SCN1B: variants seen among roughly 807,000 people sequenced by gnomAD.
SCN1B encodes sodium channel regulatory subunit beta-1.
In SCN1B, 11 loss-of-function variants were observed where a neutral mutation model predicts 25.7. The ratio of observed to expected loss-of-function variants is 0.43; its 90% confidence interval spans 0.27 to 0.71. The LOEUF is 0.71. Among genes scored for constraint, SCN1B ranks in the 30% least tolerant of loss-of-function variants. The probability of loss-of-function intolerance (pLI) is 0.21; values close to 1 mark genes in which losing one functional copy is unlikely to be tolerated. For synonymous variants in SCN1B, 119 were observed against 117.5 expected (o/e 1.01, Z -0.08); for missense variants, 224 against 291.5 (o/e 0.77, Z 1.69).
rs756162582 is a variant in SCN1B at position 35,039,864 on chromosome 19, C to T, written c.*73C>T. On this transcript the variant is annotated 3_prime_UTR_variant, in exon 6 of 6. Coordinates refer to ENST00000262631, the MANE Select transcript of SCN1B (RefSeq NM_001037.5). The stretch of plus-strand genomic sequence containing the variant: ...CTCTCCAGGCACCGCCTGCCCCCAG[C>T]GTGGGGGTGGCCACTCCTGGGCCCC... The T allele has an allele frequency of 4.0e-6, 3 of 747,316 alleles. No homozygotes were observed. The highest frequency in any genetic ancestry group is 2.3e-5 in the Admixed American group (1 of 42,762). The allele number at this position is 747,316 out of a possible 1,614,324, so 46.3% of individuals were successfully genotyped here.
rs72550274 is a variant in SCN1B at position 35,039,893 on chromosome 19, A to T, written c.*102A>T. 6.0e-3 allele frequency: 3,837 copies of T among 639,616 alleles called. 19 individuals are homozygous for T. The highest frequency in any genetic ancestry group is 7.5e-3 in the Non-Finnish European group (2,768 of 366,724). The allele number at this position is 639,616 out of a possible 1,614,324, so 39.6% of individuals were successfully genotyped here. On this transcript the variant is annotated 3_prime_UTR_variant, in exon 6 of 6. Coordinates refer to ENST00000262631, the MANE Select transcript of SCN1B (RefSeq NM_001037.5). ...GGGGTGGCCACTCCTGGGCCCCAGA[A>T]AGCCTCAGAGTCCTGCCGACGGAGC...
At chr19:35,034,318 G>A (rs2064235347) in intron 3 of SCN1B, 3 of 726,288 alleles carry the variant, frequency 4.1e-6, no homozygotes, top group African/African-American at 1.8e-5. Context: ...GCGCTGGCCT[G>A]CAGTCTCACT....
chr19:35,039,516 T>C, intron 4 of SCN1B, 119 bp from the exon 5 acceptor site: 1 of 1,096,490 alleles, frequency 9.1e-7, no homozygotes, highest in Non-Finnish European at 1.4e-6. Context: ...ATAGACTCCT[T>C]CTCTCTCTAA....
chr19:35,034,165 A>G, intron 3 of SCN1B: 1 of 1,548,958 alleles, frequency 6.5e-7, no homozygotes. Flanking sequence ...CTTCCAGCAG[A>G]GCCTTGCAGG....
At chr19:35,033,981 C>A (rs570896401) in intron 3 of SCN1B, 1 of 1,551,300 alleles carries the variant, frequency 6.4e-7, no homozygotes, top group African/African-American at 1.4e-5. Flanking sequence ...GGTACAGAAC[C>A]CAGCTCTGTC....
intron 1 of SCN1B, among the ~76,000 whole-genome samples, chr19:35,031,135 T>A (rs1441357807): frequency 2.4e-5 from 3 of 122,908 alleles, no homozygotes; most frequent in African/African-American, 9.5e-5. Context: ...AGTCAGCTGC[T>A]CCCGGAGCCC....
In SCN1B at chr19:35,032,586, G is replaced by T. The variant is rs752733582; in HGVS notation, c.99G>T (p.Gly33=). The T allele has an allele frequency of 4.3e-6, 7 of 1,614,022 alleles. No homozygotes were observed. In the Admixed American group the frequency reaches 5.0e-5, roughly 12 times the overall value. ...EVDSETEAVY[G]MTFKILCISC... is the part of the protein sequence containing the mutation. ...ACTCGGAGACCGAGGCCGTGTATGGGATGACCTTCAAAATTCTTTGCATCT... is the reference window on the plus strand; with the variant it reads ...ACTCGGAGACCGAGGCCGTGTATGGTATGACCTTCAAAATTCTTTGCATCT... The change falls in exon 2 of 6, where the codon GGG becomes GGT. Residue 33 remains glycine (G), a synonymous_variant. Transcript: ENST00000262631. The surrounding 1 kb of genome is among the most constrained non-coding windows in gnomAD (Gnocchi z 4.3).
In SCN1B at chr19:35,040,012, T is replaced by C. The variant is rs2064277081; in HGVS notation, c.*221T>C. On this transcript the variant is annotated 3_prime_UTR_variant, in exon 6 of 6. Transcript: ENST00000262631. ...GCCGGCCGCGCACCGCCATGCATGA[T>C]GGGTAAAGCAATACTGCCGCTGCCC... The C allele has an allele frequency of 2.5e-6, 1 of 406,248 alleles. No individual in the cohort carries two copies. Among genetic ancestry groups the C allele is most frequent in the Non-Finnish European group, 4.7e-6 (1 of 213,970 alleles). The allele number at this position is 406,248 out of a possible 1,614,324, so 25.2% of individuals were successfully genotyped here. A position where few individuals can be genotyped will look rare whatever the true frequency, so the allele number is the denominator to read the frequency against.
chr19:35,040,318 T>C lies in SCN1B; in HGVS notation c.*527T>C, dbSNP rs41275828. 4,431 of 167,786 alleles carry C rather than the reference T, an allele frequency of 0.026. 92 individuals are homozygous for C. Among genetic ancestry groups the C allele is most frequent in the Non-Finnish European group, 0.035 (2,680 of 76,256 alleles). 10.4% of individuals were successfully genotyped at this position (167,786 alleles called of 1,614,324 possible). A position where few individuals can be genotyped will look rare whatever the true frequency, so the allele number is the denominator to read the frequency against. On this transcript the variant is annotated 3_prime_UTR_variant, in exon 6 of 6. Transcript: ENST00000262631. Reference sequence around the variant, plus strand: ...GACCTGGGGTCCCCCCTCCCTGTAATGCACTCCTGCCCCGGCCCAACCTCG... The same window carrying C: ...GACCTGGGGTCCCCCCTCCCTGTAACGCACTCCTGCCCCGGCCCAACCTCG...
chr19:35,039,217 G>A lies in SCN1B; in HGVS notation c.549G>A (p.Lys183=), dbSNP rs1457466072. The A allele has an allele frequency of 6.2e-7, 1 of 1,614,096 alleles. No individual in the cohort carries two copies. The highest frequency in any genetic ancestry group is 1.7e-5 in the Admixed American group (1 of 60,028). ...WLVAEMIYCY[K]KIAAATETAA... Reference sequence around the variant, plus strand: ...TGGCAGAGATGATTTACTGCTACAAGAAGATCGCTGCCGCCACGGAGACTG... The same window carrying A: ...TGGCAGAGATGATTTACTGCTACAAAAAGATCGCTGCCGCCACGGAGACTG... The change falls in exon 4 of 6, where the codon AAG becomes AAA. Residue 183 remains lysine (K), a synonymous_variant. Transcript: ENST00000262631.
chr19:35,036,621 C>T (rs951535855), intron 3 of SCN1B: 1 of 151,438 alleles, frequency 6.6e-6, no homozygotes, highest in Admixed American at 6.6e-5. Context: ...GTAGTACAGA[C>T]GGGGTTTTAC....
rs769535020 is a variant in SCN1B, at chr19:35,032,628, C to T, written c.141C>T (p.Ser47=). ...KILCISCKRR[S]ETNAETFTEW... Reference sequence around the variant, plus strand: ...TTTGCATCTCCTGCAAGCGCCGCAGCGAGACCAACGCTGAGACCTTCACCG... The same window carrying T: ...TTTGCATCTCCTGCAAGCGCCGCAGTGAGACCAACGCTGAGACCTTCACCG... The change falls in exon 2 of 6, where the codon AGC becomes AGT. Residue 47 remains serine (S), a synonymous_variant. Coordinates refer to ENST00000262631, the MANE Select transcript of SCN1B (RefSeq NM_001037.5). This position sits in a 1 kb window ranked among gnomAD's most constrained non-coding sequence, Gnocchi z 4.3. 10 of 1,614,000 alleles carry T rather than the reference C, an allele frequency of 6.2e-6. No individual in the cohort carries two copies. Among genetic ancestry groups the T allele is most frequent in the East Asian group, 2.2e-5 (1 of 44,904 alleles).
chr19:35,033,970 G>A lies in SCN1B; in HGVS notation c.448+231G>A, dbSNP rs1412614368. The A allele has an allele frequency of 3.2e-6, 5 of 1,552,152 alleles. No individual in the cohort carries two copies. The highest frequency in any genetic ancestry group is 1.4e-5 in the African/African-American group (1 of 73,164). Reference sequence around the variant, plus strand: ...CATGCCTGTCCCCCACAGACGCTCCGGGTACAGAACCCAGCTCTGTCACCT... The same window carrying A: ...CATGCCTGTCCCCCACAGACGCTCCAGGTACAGAACCCAGCTCTGTCACCT... On this transcript the variant is annotated intron_variant, in intron 3 of 5. Coordinates refer to ENST00000262631, the MANE Select transcript of SCN1B (RefSeq NM_001037.5).
At chr19:35,037,954 G>A (rs1200312697) in intron 3 of SCN1B, 1 of 151,928 alleles carries the variant, frequency 6.6e-6, no homozygotes, top group Non-Finnish European at 1.5e-5. Context: ...GCAAGACCCT[G>A]TCTCTTAAAA....
In SCN1B at chr19:35,039,123, G is replaced by C. The variant is rs760072940; in HGVS notation, c.455G>C (p.Arg152Thr). 6.2e-7 allele frequency: 1 copy of C among 1,614,204 alleles called. No homozygotes were observed. The highest frequency in any genetic ancestry group is 8.5e-7 in the Non-Finnish European group (1 of 1,180,034). ...IHIEVVDKAN[R>T]DMASIVSEIM... is the part of the protein sequence containing the mutation. Reference sequence around the variant, plus strand: ...CCCTGCCTGGCCCCTGCAGCCAACAGAGACATGGCATCCATCGTGTCTGAG... The same window carrying C: ...CCCTGCCTGGCCCCTGCAGCCAACACAGACATGGCATCCATCGTGTCTGAG... The change falls in exon 4 of 6, where the codon AGA (arginine) becomes ACA (threonine). Residue 152 changes from arginine (R) to threonine (T), a missense_variant. Physicochemically the swap from Arg to Thr is moderately conservative, Grantham distance 71 (BLOSUM62 -1). This residue lies in a region of SCN1B where 126 missense variants were observed against 204.9 expected (regional missense o/e 0.61). Transcript: ENST00000262631.
chr19:35,032,569 A>G lies in SCN1B; in HGVS notation c.82A>G (p.Thr28Ala), dbSNP rs786205838. The G allele has an allele frequency of 1.9e-5, 30 of 1,613,948 alleles. No homozygotes were observed. Among genetic ancestry groups the G allele is most frequent in the Non-Finnish European group, 2.5e-5 (30 of 1,180,050 alleles). ...CGGCVEVDSE[T>A]EAVYGMTFKI... ...GGGCTGCGTGGAGGTGGACTCGGAGACCGAGGCCGTGTATGGGATGACCTT... is the reference window on the plus strand; with the variant it reads ...GGGCTGCGTGGAGGTGGACTCGGAGGCCGAGGCCGTGTATGGGATGACCTT... The change falls in exon 2 of 6, where the codon ACC (threonine) becomes GCC (alanine). Residue 28 changes from threonine (T) to alanine (A), a missense_variant. Thr to Ala is a moderately conservative substitution (Grantham distance 58, BLOSUM62 0). This residue lies in a region of SCN1B where 46 missense variants were observed against 35.8 expected (regional missense o/e 1.29). Transcript: ENST00000262631. This position sits in a 1 kb window ranked among gnomAD's most constrained non-coding sequence, Gnocchi z 4.3.
chr19:35,031,020 G>A (rs886878157), intron 1 of SCN1B, among the ~76,000 whole-genome samples, 160 bp downstream of exon 1: 3 of 151,950 alleles, frequency 2.0e-5, no homozygotes, highest in Non-Finnish European at 4.4e-5. Flanking sequence ...CGCGGGAGCC[G>A]GGCTTGGGGA....
rs66671189 is a variant in SCN1B, at chr19:35,030,812, C to G, written c.-9C>G. ...CCCGGGAGGGGGGCGCAGCACGCGC[C>G]GCGCAGCCATGGGGAGGCTGCTGGC... On this transcript the variant is annotated 5_prime_UTR_variant, in exon 1 of 6. Transcript: ENST00000262631. 4 of 1,079,850 alleles carry G rather than the reference C, an allele frequency of 3.7e-6. No individual in the cohort carries two copies. The highest frequency in any genetic ancestry group is 4.7e-6 in the Non-Finnish European group (4 of 850,284). 66.9% of individuals were successfully genotyped at this position (1,079,850 alleles called of 1,614,324 possible). A position where few individuals can be genotyped will look rare whatever the true frequency, so the allele number is the denominator to read the frequency against.
At chr19:35,033,108 A>T (rs1451488072) in intron 2 of SCN1B, among the ~76,000 whole-genome samples, 2 of 152,066 alleles carry the variant, frequency 1.3e-5, no homozygotes, top group African/African-American at 4.8e-5. Flanking sequence ...TATATCGGTG[A>T]GGGAACCATA....
Sources: gnomAD v4.1 joint callset for allele counts (sites outside exome capture counted in the v4.1 genomes callset) on GRCh38, gnomAD v4.1.1 for gene constraint, gnomAD v4.1.1 regional missense constraint, Gnocchi (gnomAD v3.1) non-coding constraint, MANE v1.5 for transcripts, NCBI Gene and HGNC (gene_info 2026-07-23, HGNC 2026-07-21) for gene names.